TBC1D22A: variants seen among roughly 807,000 people sequenced by gnomAD.
The protein encoded by TBC1D22A is TBC1 domain family member 22A, also known as putative GTPase activator.
TBC1D22A carries 38 observed loss-of-function variants against 60.2 expected under a neutral mutation model. The ratio of observed to expected loss-of-function variants is 0.63; its 90% CI spans 0.49 to 0.83. The LOEUF (loss-of-function observed/expected upper bound fraction) is 0.83. Among genes scored for constraint, TBC1D22A ranks in the 40% least tolerant of loss-of-function variants. The pLI, the probability that TBC1D22A is intolerant of heterozygous loss-of-function variation, is 0.00. For missense variants in TBC1D22A, 628 were observed against 701.0 expected (o/e 0.90, Z 1.18); for synonymous variants, 302 against 281.7 (o/e 1.07, Z -0.72).
intron 11 of TBC1D22A, among the ~76,000 whole-genome samples, chr22:47,105,424 G>A (rs2065597171): frequency 6.6e-6 from 1 of 152,164 alleles, no homozygotes; most frequent in Admixed American, 6.5e-5. Flanking sequence ...GAGAGTTAGG[G>A]GAGCAACATC....
intron 11 of TBC1D22A, among the ~76,000 whole-genome samples, chr22:47,069,458 G>A (rs1006411821): frequency 1.3e-5 from 2 of 152,182 alleles, no homozygotes; most frequent in African/African-American, 4.8e-5. Context: ...GTGAGGCCTC[G>A]GCCCTAGCCT....
At chr22:47,165,342 G>A (rs2068161176) in intron 12 of TBC1D22A, among the ~76,000 whole-genome samples, 1 of 152,208 alleles carries the variant, frequency 6.6e-6, no homozygotes, top group South Asian at 2.1e-4. Context: ...GCAGATAGAG[G>A]GCAGTGGTCA....
In TBC1D22A at chr22:46,990,107, A is replaced by G. The variant is rs551836235; in HGVS notation, c.1126-7527A>G. Among the ~76,000 whole-genome samples, 1 of 152,336 alleles carries G rather than the reference A, an allele frequency of 6.6e-6. No homozygotes were observed. The highest frequency in any genetic ancestry group is 1.5e-5 in the Non-Finnish European group (1 of 68,030). ...ATGTGCGCCACCGCGCCCGGCCGCA[A>G]AATGTAAGTTTTATTTAAAATGAAC... is the stretch of plus-strand genomic sequence containing the variant. On this transcript the variant is annotated intron_variant, in intron 9 of 12. Transcript: ENST00000337137. The surrounding 1 kb of genome is among the most constrained non-coding windows in gnomAD (Gnocchi z 4.6).
At position 46,900,574 on chromosome 22, in the gene TBC1D22A, C is replaced by A. The variant is rs565531808; in HGVS notation, c.900+5728C>A. 1.2e-3 allele frequency among the ~76,000 whole-genome samples: 189 copies of A among 152,344 alleles called. 2 individuals carry two copies. Among genetic ancestry groups the A allele is most frequent in the Non-Finnish European group, 2.2e-3 (150 of 68,028 alleles). ...CTCTCCCCACCCTTGCACTTGACAACTGCTGATCTTCTTTCTGTCTCTAGA... is the reference window on the plus strand; with the variant it reads ...CTCTCCCCACCCTTGCACTTGACAAATGCTGATCTTCTTTCTGTCTCTAGA... On this transcript the variant is annotated intron_variant, in intron 7 of 12. Transcript: ENST00000337137.
At chr22:46,909,483 C>T (rs1326780218) in intron 7 of TBC1D22A, among the ~76,000 whole-genome samples, 2 of 152,162 alleles carry the variant, frequency 1.3e-5, no homozygotes, top group African/African-American at 4.8e-5. Context: ...CCAGTGGCTG[C>T]TGGCTGCCGC....
chr22:46,952,428 T>G (rs1361582326), intron 8 of TBC1D22A, among the ~76,000 whole-genome samples: 2 of 152,248 alleles, frequency 1.3e-5, no homozygotes, highest in African/African-American at 4.8e-5. Flanking sequence ...GGTCCACAAG[T>G]GGCTTTTAGC....
At chr22:47,137,389 G>A (rs1471831458) in intron 12 of TBC1D22A, among the ~76,000 whole-genome samples, 1 of 152,146 alleles carries the variant, frequency 6.6e-6, no homozygotes. Context: ...GTGGCGTCCC[G>A]GCCCTGTCAT....
intron 11 of TBC1D22A, among the ~76,000 whole-genome samples, chr22:47,071,190 C>G (rs1488869620): frequency 6.6e-6 from 1 of 152,236 alleles, no homozygotes; most frequent in African/African-American, 2.4e-5. Flanking sequence ...ACAGTAATTT[C>G]CACGTATTAA....
intron 8 of TBC1D22A, among the ~76,000 whole-genome samples, chr22:46,940,088 TTA>T (rs2071894266): frequency 6.6e-6 from 1 of 152,218 alleles, no homozygotes; most frequent in African/African-American, 2.4e-5. Flanking sequence ...CATATAAAAG[TTA>T]TGTTTTGTAC....
At chr22:46,977,670 C>G (rs2074355725) in intron 9 of TBC1D22A, among the ~76,000 whole-genome samples, 1 of 152,168 alleles carries the variant, frequency 6.6e-6, no homozygotes, top group Admixed American at 6.5e-5. Context: ...GCTCACAGTT[C>G]CACAAGCTGT....
rs531340100 is a variant in TBC1D22A at position 47,136,655 on chromosome 22, G to A, written c.1425+25052G>A. 8.6e-5 allele frequency among the ~76,000 whole-genome samples: 13 copies of A among 150,916 alleles called. No homozygotes were observed. The South Asian group carries it at 2.7e-3, about 32-fold the overall frequency. On this transcript the variant is annotated intron_variant, in intron 12 of 12. Coordinates refer to ENST00000337137, the MANE Select transcript of TBC1D22A (RefSeq NM_014346.5). Reference sequence around the variant, plus strand: ...GGGCAATCAGGGGTCCTGGGCTTGAGCCCCCTCGTCCCTAGGGATTCTGAG... The same window carrying A: ...GGGCAATCAGGGGTCCTGGGCTTGAACCCCCTCGTCCCTAGGGATTCTGAG...
chr22:47,067,456 G>A (rs796310088), intron 11 of TBC1D22A, among the ~76,000 whole-genome samples: 3 of 152,218 alleles, frequency 2.0e-5, no homozygotes, highest in Admixed American at 2.0e-4. Flanking sequence ...AAAGAGATGG[G>A]CATTAGCATA....
At chr22:46,800,406 C>T (rs2054874681) in intron 4 of TBC1D22A, among the ~76,000 whole-genome samples, 1 of 152,016 alleles carries the variant, frequency 6.6e-6, no homozygotes. Flanking sequence ...AGTTGACGTA[C>T]CCATCTTGGC....
chr22:46,776,918 A>T (rs2083730681), intron 1 of TBC1D22A, among the ~76,000 whole-genome samples: 1 of 151,826 alleles, frequency 6.6e-6, no homozygotes, highest in African/African-American at 2.4e-5. Context: ...AAGGATGTTC[A>T]GCTGGGGAGT....
intron 10 of TBC1D22A, among the ~76,000 whole-genome samples, chr22:47,004,977 A>G (rs376787811): frequency 1.3e-5 from 2 of 151,766 alleles, no homozygotes; most frequent in African/African-American, 4.9e-5. Flanking sequence ...CACACCTGTC[A>G]TATATGCATA....
At chr22:47,085,934 G>A (rs1443318942) in intron 11 of TBC1D22A, among the ~76,000 whole-genome samples, 1 of 152,190 alleles carries the variant, frequency 6.6e-6, no homozygotes, top group Non-Finnish European at 1.5e-5. Flanking sequence ...ACGTACATGT[G>A]CACTGATGAA....
At chr22:47,064,866 CT>C (rs2063701189) in intron 11 of TBC1D22A, among the ~76,000 whole-genome samples, 1 of 152,198 alleles carries the variant, frequency 6.6e-6, no homozygotes, top group African/African-American at 2.4e-5. Flanking sequence ...AGTTTCTTCT[CT>C]GTAGTTGACA....
intron 12 of TBC1D22A, among the ~76,000 whole-genome samples, chr22:47,147,759 C>T (rs187334426): frequency 6.6e-6 from 1 of 152,348 alleles, no homozygotes; most frequent in East Asian, 1.9e-4. Context: ...GCAGTGAGCA[C>T]AGGTGGCCTG....
chr22:46,951,231 T>C (rs983756320), intron 8 of TBC1D22A, among the ~76,000 whole-genome samples: 2 of 152,210 alleles, frequency 1.3e-5, no homozygotes, highest in Non-Finnish European at 2.9e-5. Context: ...AATCACAAAG[T>C]ACATGTGTAT....
Sources: allele counts gnomAD v4.1 joint callset (sites outside exome capture counted in the v4.1 genomes callset), GRCh38; gene constraint gnomAD v4.1.1; non-coding constraint Gnocchi (gnomAD v3.1); transcripts MANE v1.5; gene names NCBI Gene and HGNC (gene_info 2026-07-23, HGNC 2026-07-21).